Variants in ZAN observed in about 807,000 individuals in gnomAD.
ZAN encodes zonadhesin.
A neutral mutation model predicts 286.2 loss-of-function variants in ZAN; 260 were observed. That is an observed-to-expected ratio of 0.91 (90% confidence interval 0.82 to 1.01). ZAN has a LOEUF of 1.01. ZAN is among the 50% of genes least tolerant of loss of function. ZAN has a pLI of 0.00. For missense variants in ZAN, 3,410 were observed against 3,639.2 expected (o/e 0.94, Z 1.62); for synonymous variants, 1,368 against 1,417.5 (o/e 0.97, Z 0.79).
chr7:100,787,986 G>T lies in ZAN; in HGVS notation c.7077G>T (p.Lys2359Asn). 1 of 1,558,160 alleles carries T rather than the reference G, an allele frequency of 6.4e-7. No homozygotes were observed. Among genetic ancestry groups the T allele is most frequent in the Non-Finnish European group, 8.8e-7 (1 of 1,141,096 alleles). The change falls in exon 38 of 48, where the codon AAG (lysine) becomes AAT (asparagine). Residue 2359 changes from lysine to asparagine, a missense_variant. Around this residue, in one of 7 missense-constraint regions of ZAN, gnomAD observed 1,289 missense variants for 1,314.3 expected, o/e 0.98. Coordinates refer to ENST00000613979, the MANE Select transcript of ZAN (RefSeq NM_003386.3). Reference sequence around the variant, plus strand: ...GCCGCATGACCTATGTTCTGATCAAGACTGTGGACGTACTGCCTGAGGGGG... The same window carrying T: ...GCCGCATGACCTATGTTCTGATCAATACTGTGGACGTACTGCCTGAGGGGG... ...LQGRMTYVLI[K>N]TVDVLPEGVE...
chr7:100,743,718 A>C (rs1807978553), intron 7 of ZAN, among the ~76,000 whole-genome samples: 1 of 151,314 alleles, frequency 6.6e-6, no homozygotes, highest in Admixed American at 6.6e-5. Context: ...CTCTACAAAA[A>C]ATACAAAAAT....
chr7:100,760,637 C>T (rs1047473610), intron 19 of ZAN, 101 bp downstream of exon 19: 2 of 1,487,526 alleles, frequency 1.3e-6, no homozygotes, highest in African/African-American at 1.4e-5. Context: ...CCTTCCATCC[C>T]TGGCACCACT....
rs886282811 is a variant in ZAN at position 100,786,087 on chromosome 7, G to A, written c.6925G>A (p.Gly2309Arg). The change falls in exon 37 of 48, where the codon GGG becomes AGG. Residue 2309 changes from glycine to arginine, a missense_variant. Physicochemically the swap from Gly to Arg is moderately radical, Grantham distance 125. Transcript: ENST00000613979. ...GTGCGGGGACTTCCGATGCCCCTCT[G>A]GGTCCCACTGCCAGCTCACTTCCGA... ...IQCGDFRCPS[G>R]SHCQLTSDNS... 8.1e-6 allele frequency: 13 copies of A among 1,614,032 alleles called. No homozygotes were observed. Among genetic ancestry groups the A allele is most frequent in the Non-Finnish European group, 1.0e-5 (12 of 1,179,892 alleles).
In ZAN at chr7:100,772,033, C is replaced by T. The variant is rs370310964; in HGVS notation, c.5425+13C>T. 1.9e-6 allele frequency: 3 copies of T among 1,577,788 alleles called. No individual in the cohort carries two copies. Among genetic ancestry groups the T allele is most frequent in the Non-Finnish European group, 2.6e-6 (3 of 1,162,360 alleles). ...AGAACCTTCTGCCGTGAGTGACTGG[C>T]CACCTGTTCCCACAGCCCATAGGCA... On this transcript the variant is annotated intron_variant, in intron 29 of 47. Coordinates refer to ENST00000613979, the MANE Select transcript of ZAN (RefSeq NM_003386.3).
chr7:100,734,276 A>G, intron 2 of ZAN, 55 bp downstream of exon 2: 1 of 1,222,446 alleles, frequency 8.2e-7, no homozygotes, highest in Non-Finnish European at 1.1e-6. Flanking sequence ...GGTGGCTGTA[A>G]GGAATATGGA....
At chr7:100,773,156 G>A (rs1354310883) in intron 29 of ZAN, 129 bp from the exon 30 acceptor site, 14 of 982,636 alleles carry the variant, frequency 1.4e-5, no homozygotes, top group Admixed American at 9.6e-5. Context: ...CACCTGCCTC[G>A]GCCTCCCAAA....
At chr7:100,777,498 G>A (rs1810902928) in intron 34 of ZAN, among the ~76,000 whole-genome samples, 2 of 152,096 alleles carry the variant, frequency 1.3e-5, no homozygotes, top group African/African-American at 4.8e-5. Context: ...GGGATTACAG[G>A]TGCACACCAC....
chr7:100,741,163 C>T (rs1807727801), intron 7 of ZAN, among the ~76,000 whole-genome samples: 1 of 44,256 alleles, frequency 2.3e-5, no homozygotes, highest in South Asian at 8.8e-4. Flanking sequence ...GGGCTGACCC[C>T]CCCACCTCCC....
rs370606280 is a variant in ZAN, at chr7:100,759,793, A to G, written c.3644A>G (p.Tyr1215Cys). 4.4e-6 allele frequency: 7 copies of G among 1,608,448 alleles called. No homozygotes were observed. The highest frequency in any genetic ancestry group is 1.3e-5 in the African/African-American group (1 of 74,634). ...QEGVSCLSKVYVTLPESTVTL... is the reference protein window; with the variant it reads ...QEGVSCLSKVCVTLPESTVTL... ...GGCGTGTCCTGCCTGAGCAAAGTCT[A>G]CGTGACCCTGCCCGAGAGCACCGTC... Residue 1215 changes from tyrosine to cysteine, a missense_variant, in exon 18 of 48, where the codon TAC becomes TGC. Physicochemically the swap from Tyr to Cys is radical, Grantham distance 194 (BLOSUM62 -2). This residue lies in a region of ZAN where 1,042 missense variants were observed against 1,058.0 expected (regional missense o/e 0.98). Coordinates refer to ENST00000613979, the MANE Select transcript of ZAN (RefSeq NM_003386.3).
At chr7:100,784,302 G>T (rs1388347852) in intron 35 of ZAN, among the ~76,000 whole-genome samples, 1 of 151,716 alleles carries the variant, frequency 6.6e-6, no homozygotes, top group African/African-American at 2.4e-5. Flanking sequence ...GCTAATTGTT[G>T]TATTTTTAGT....
Position 100,747,562 on chromosome 7 carries a change from AAC to A in ZAN, c.949_950del (p.Thr317SerfsTer42), listed in dbSNP as rs755236821. On this transcript the variant is annotated frameshift_variant, in exon 9 of 48. Transcript: ENST00000613979. LOFTEE classifies it high-confidence loss of function. The stretch of plus-strand genomic sequence containing the variant: ...CCTTTCACTGCAGGGAGTATCCGGA[AAC>A]ACACTCTCTTCTCAGGACAACCTGG... 6.2e-7 allele frequency: 1 copy of A among 1,613,856 alleles called. No homozygotes were observed.
rs777680454 is a variant in ZAN at position 100,786,005 on chromosome 7, G to A, written c.6843G>A (p.Lys2281=). The change falls in exon 37 of 48, where the codon AAG becomes AAA. Residue 2281 remains lysine, a synonymous_variant. Coordinates refer to ENST00000613979, the MANE Select transcript of ZAN (RefSeq NM_003386.3). ...DAHGGSIPLG[K]SWVSSGCTEK... is the part of the protein sequence containing the mutation. Reference sequence around the variant, plus strand: ...TCCTGTAACTTCTACAGCTGGGCAAGAGCTGGGTCTCCAGCGGTTGCACGG... The same window carrying A: ...TCCTGTAACTTCTACAGCTGGGCAAAAGCTGGGTCTCCAGCGGTTGCACGG... 1.9e-6 allele frequency: 3 copies of A among 1,613,678 alleles called. No homozygotes were observed. Among genetic ancestry groups the A allele is most frequent in the South Asian group, 2.2e-5 (2 of 91,072 alleles).
At chr7:100,749,208 G>GGT (rs1808437239) in intron 11 of ZAN, among the ~76,000 whole-genome samples, 1 of 152,020 alleles carries the variant, frequency 6.6e-6, no homozygotes, top group African/African-American at 2.4e-5. Context: ...CGGGAGTGGT[G>GGT]GCGTGCACCT....
At position 100,736,619 on chromosome 7, in the gene ZAN, C is replaced by A; in HGVS notation, c.243C>A (p.Tyr81Ter). 1 of 1,522,470 alleles carries A rather than the reference C, an allele frequency of 6.6e-7. No individual in the cohort carries two copies. Among genetic ancestry groups the A allele is most frequent in the African/African-American group, 1.4e-5 (1 of 71,484 alleles). The allele number at this position is 1,522,470 out of a possible 1,614,324, so 94.3% of individuals were successfully genotyped here. Residue 81 changes from tyrosine to a stop codon, truncating the protein, a stop_gained, in exon 4 of 48, where the codon TAC becomes TAA. Coordinates refer to ENST00000613979, the MANE Select transcript of ZAN (RefSeq NM_003386.3). LOFTEE classifies it high-confidence loss of function. ...GCTCCACCGGGGCCCCCGGGGGGTA[C>A]CCTAACGGAGGTGAGGGGCTATGGT... ...PTGSTGAPGGYPNGEGSYLHM... is the reference protein window; with the variant it reads ...PTGSTGAPGG
chr7:100,777,221 T>G (rs543479835), intron 34 of ZAN, among the ~76,000 whole-genome samples: 4 of 150,618 alleles, frequency 2.7e-5, no homozygotes, highest in Admixed American at 2.6e-4. Context: ...TTTTTGTAGT[T>G]TTTAGCAGAG....
intron 11 of ZAN, among the ~76,000 whole-genome samples, chr7:100,748,970 G>GGCA (rs1235810767): frequency 6.6e-6 from 1 of 152,060 alleles, no homozygotes; most frequent in Non-Finnish European, 1.5e-5. Flanking sequence ...CAGAAGTCAA[G>GGCA]GCTGCAGTGA....
At chr7:100,746,105 T>G (rs1808198016) in intron 7 of ZAN, among the ~76,000 whole-genome samples, 1 of 151,742 alleles carries the variant, frequency 6.6e-6, no homozygotes, top group Admixed American at 6.6e-5. Flanking sequence ...CGCACACCTG[T>G]AGTCCCAGCT....
At chr7:100,760,260 C>T (rs1809460711) in intron 18 of ZAN, 131 bp from the exon 19 acceptor site, 2 of 1,230,640 alleles carry the variant, frequency 1.6e-6, no homozygotes, top group South Asian at 2.8e-5. Flanking sequence ...AGCTCCAGTC[C>T]ACTCCTGGTG....
Position 100,786,148 on chromosome 7 carries a change from G to A in ZAN, c.6979+7G>A. Reference sequence around the variant, plus strand: ...AGCAATTGTGTCTCAGACAGTAAGGGGAGCGACCGGGGAGGTTGGAGAGGG... The same window carrying A: ...AGCAATTGTGTCTCAGACAGTAAGGAGAGCGACCGGGGAGGTTGGAGAGGG... On this transcript the variant is annotated splice_region_variant and intron_variant, in intron 37 of 47. Coordinates refer to ENST00000613979, the MANE Select transcript of ZAN (RefSeq NM_003386.3). The A allele has an allele frequency of 6.2e-7, 1 of 1,613,812 alleles. No individual in the cohort carries two copies. The highest frequency in any genetic ancestry group is 8.5e-7 in the Non-Finnish European group (1 of 1,179,820).
Sources: gnomAD v4.1 joint callset for allele counts (sites outside exome capture counted in the v4.1 genomes callset) on GRCh38, gnomAD v4.1.1 for gene constraint, gnomAD v4.1.1 regional missense constraint, MANE v1.5 for transcripts, NCBI Gene and HGNC (gene_info 2026-07-23, HGNC 2026-07-21) for gene names.